Variants in RBBP4 observed in about 807,000 individuals in gnomAD.
RBBP4 encodes the protein RB binding protein 4, chromatin remodeling factor.
A neutral mutation model predicts 57.2 loss-of-function variants in RBBP4; 3 were observed. The observed-to-expected ratio is 0.05, with a 90% CI of 0.02 to 0.14. The LOEUF (loss-of-function observed/expected upper bound fraction) is 0.14. Among genes scored for constraint, RBBP4 ranks in the 10% least tolerant of loss-of-function variants. The pLI, the probability that RBBP4 is intolerant of heterozygous loss-of-function variation, is 1.00. For synonymous variants in RBBP4, 151 were observed against 171.5 expected, an observed-to-expected ratio of 0.88 and a Z score of 0.93; for missense variants, 107 against 520.6, an observed-to-expected ratio of 0.21 and a Z score of 7.73.
chr1:32,661,870 C>CTTTTTTTTTTTTTTT (rs71006354), intron 3 of RBBP4, among the ~76,000 whole-genome samples: 1 of 49,308 alleles, frequency 2.0e-5, no homozygotes, highest in Admixed American at 3.2e-4. Flanking sequence ...CCTTTGCCCA[C>CTTTTTTTTTTTTTTT]TTTTTTTTTT....
intron 3 of RBBP4, among the ~76,000 whole-genome samples, chr1:32,662,889 C>G (rs1291445189): frequency 1.3e-5 from 2 of 151,896 alleles, no homozygotes; most frequent in South Asian, 2.1e-4. Context: ...AAGGCTGATG[C>G]AGTAGAATCG....
chr1:32,651,753 C>A (rs1468554409), intron 1 of RBBP4, 161 bp from the exon 2 acceptor site: 2 of 920,550 alleles, frequency 2.2e-6, no homozygotes, highest in East Asian at 2.7e-5. Flanking sequence ...CGAGGAGTTT[C>A]GGCGCCGCGA....
At position 32,669,207 on chromosome 1, in the gene RBBP4, T is replaced by C. The variant is rs755580900; in HGVS notation, c.762-24T>C. On this transcript the variant is annotated intron_variant, in intron 6 of 11. Coordinates refer to ENST00000373493, the MANE Select transcript of RBBP4 (RefSeq NM_005610.3). This position sits in a 1 kb window ranked among gnomAD's most constrained non-coding sequence, Gnocchi z 4.9. ...TTTAGTCACCATTTCAAGGTTTTTT[T>C]CCTTTGTTTTTTTTTCACTGAAGTT... 6.2e-7 allele frequency: 1 copy of C among 1,608,358 alleles called. No homozygotes were observed. Among genetic ancestry groups the C allele is most frequent in the Non-Finnish European group, 8.5e-7 (1 of 1,178,560 alleles).
At chr1:32,657,028 C>T (rs1452739001) in intron 2 of RBBP4, among the ~76,000 whole-genome samples, 6 of 152,098 alleles carry the variant, frequency 3.9e-5, no homozygotes, top group Non-Finnish European at 8.8e-5. Flanking sequence ...GTAATCTCTG[C>T]ACGTTGGGAG....
intron 8 of RBBP4, among the ~76,000 whole-genome samples, chr1:32,670,662 T>C (rs1648835043): frequency 6.6e-6 from 1 of 152,122 alleles, no homozygotes; most frequent in South Asian, 2.1e-4. Flanking sequence ...AACCTCCACT[T>C]CCCAGGCTAA....
At chr1:32,679,349 A>T (rs541393178) in intron 11 of RBBP4, among the ~76,000 whole-genome samples, 2 of 152,358 alleles carry the variant, frequency 1.3e-5, no homozygotes, top group East Asian at 3.9e-4. Flanking sequence ...AATGTTGGCT[A>T]TCAAGACAAA....
In RBBP4 at chr1:32,680,044, G is replaced by A; in HGVS notation, c.*339G>A. ...CTCATTTAAGTAAAGGCTAGAGTGA[G>A]TAAGGAATAGAGCCAAATGAGGTAG... On this transcript the variant is annotated 3_prime_UTR_variant, in exon 12 of 12. Transcript: ENST00000373493. 1 of 1,095,296 alleles carries A rather than the reference G, an allele frequency of 9.1e-7. No homozygotes were observed. Among genetic ancestry groups the A allele is most frequent in the South Asian group, 3.2e-5 (1 of 31,366 alleles). 67.8% of individuals were successfully genotyped at this position (1,095,296 alleles called of 1,614,324 possible).
chr1:32,672,707 A>C lies in RBBP4; in HGVS notation c.1101+8A>C, dbSNP rs1050536936. ...GGGCCACCAGAGTTGTTGGTATGTTAAAAGCATTGGACAGTACTGAAATAG... is the reference window on the plus strand; with the variant it reads ...GGGCCACCAGAGTTGTTGGTATGTTCAAAGCATTGGACAGTACTGAAATAG... On this transcript the variant is annotated splice_region_variant and intron_variant, in intron 10 of 11. Transcript: ENST00000373493. 6 of 1,613,238 alleles carry C rather than the reference A, an allele frequency of 3.7e-6. No homozygotes were observed. In the African/African-American group the frequency reaches 8.0e-5, roughly 22 times the overall value.
At position 32,682,523 on chromosome 1, in the gene RBBP4, A is replaced by C. The variant is rs921189812; in HGVS notation, c.*2818A>C. Reference sequence around the variant, plus strand: ...CGCGGTGGTTCACGCCTGTAATCCCAGCACTTTGAGAGGCTGAGGCACGTG... The same window carrying C: ...CGCGGTGGTTCACGCCTGTAATCCCCGCACTTTGAGAGGCTGAGGCACGTG... On this transcript the variant is annotated 3_prime_UTR_variant, in exon 12 of 12. Transcript: ENST00000373493. 1 of 152,294 alleles carries C rather than the reference A, an allele frequency of 6.6e-6. No homozygotes were observed. Among genetic ancestry groups the C allele is most frequent in the Non-Finnish European group, 1.5e-5 (1 of 68,072 alleles). 9.4% of individuals were successfully genotyped at this position (152,294 alleles called of 1,614,324 possible). A position where few individuals can be genotyped will look rare whatever the true frequency, so the allele number is the denominator to read the frequency against.
Position 32,684,021 on chromosome 1 carries a change from GTC to G in RBBP4, c.*4319_*4320del. Reference sequence around the variant, plus strand: ...TTCACAAAGATCACCTTGAGACTGTGTCTCCATTCCACCTGCCTGAGAAGTGG... The same window carrying G: ...TTCACAAAGATCACCTTGAGACTGTGTCCATTCCACCTGCCTGAGAAGTGG... On this transcript the variant is annotated 3_prime_UTR_variant, in exon 12 of 12. Coordinates refer to ENST00000373493, the MANE Select transcript of RBBP4 (RefSeq NM_005610.3). 1 of 1,614,104 alleles carries G rather than the reference GTC, an allele frequency of 6.2e-7. No individual in the cohort carries two copies. Among genetic ancestry groups the G allele is most frequent in the Non-Finnish European group, 8.5e-7 (1 of 1,179,940 alleles).
intron 2 of RBBP4, among the ~76,000 whole-genome samples, chr1:32,653,679 A>T (rs1402738748): frequency 4.9e-5 from 4 of 82,048 alleles, no homozygotes; most frequent in East Asian, 8.9e-4. Flanking sequence ...TTTTTTTTTG[A>T]GACGGAGTCT....
intron 8 of RBBP4, among the ~76,000 whole-genome samples, chr1:32,671,933 A>T (rs1193416584): frequency 2.6e-5 from 4 of 152,108 alleles, no homozygotes. Context: ...GGAATGGAAC[A>T]AAAGCTTATA....
In RBBP4 at chr1:32,672,854, G is replaced by T. The variant is rs752897994; in HGVS notation, c.1165G>T (p.Val389Leu). Residue 389 changes from valine (V) to leucine (L), a missense_variant, in exon 11 of 12, where the codon GTG (valine) becomes TTG (leucine). By Grantham distance (32) the Val-to-Leu change is conservative. This residue lies in a region of RBBP4 where 14 missense variants were observed against 52.0 expected (regional missense o/e 0.27). Transcript: ENST00000373493. ...CTCCTGGAATCCCAATGAACCTTGG[G>T]TGATTTGTTCTGTATCAGAAGACAA... ...DFSWNPNEPW[V>L]ICSVSEDNIM... 1 of 1,613,838 alleles carries T rather than the reference G, an allele frequency of 6.2e-7. No homozygotes were observed.
At chr1:32,670,075 G>A (rs1019205039) in intron 8 of RBBP4, among the ~76,000 whole-genome samples, 4 of 151,868 alleles carry the variant, frequency 2.6e-5, no homozygotes, top group African/African-American at 9.7e-5. Flanking sequence ...AAGAAAACTA[G>A]GCCAGGTATG....
At chr1:32,671,400 T>TTG (rs1282462572) in intron 8 of RBBP4, among the ~76,000 whole-genome samples, 4 of 152,080 alleles carry the variant, frequency 2.6e-5, no homozygotes, top group Admixed American at 2.6e-4. Flanking sequence ...CTGACCAACA[T>TTG]GGTGAAACCT....
At position 32,668,646 on chromosome 1, in the gene RBBP4, G is replaced by A. The variant is rs898267337; in HGVS notation, c.485-93G>A. ...TTCCTATATCATTTATAAATGTTAA[G>A]AGCTTTAGACATCTTGACCAAAATT... On this transcript the variant is annotated intron_variant, in intron 4 of 11. Transcript: ENST00000373493. The A allele has an allele frequency of 3.0e-5, 30 of 1,010,634 alleles. No homozygotes were observed. In the African/African-American group the frequency reaches 3.9e-4, roughly 13 times the overall value. 62.6% of individuals were successfully genotyped at this position (1,010,634 alleles called of 1,614,324 possible).
At chr1:32,673,149 CTTCT>C (rs1648945320) in intron 11 of RBBP4, among the ~76,000 whole-genome samples, 1 of 152,116 alleles carries the variant, frequency 6.6e-6, no homozygotes, top group Admixed American at 6.6e-5. Context: ...CCCTCTCCTC[CTTCT>C]TTCTTTCTTT....
chr1:32,664,990 TAATG>T (rs1648582971), intron 3 of RBBP4, among the ~76,000 whole-genome samples: 1 of 152,088 alleles, frequency 6.6e-6, no homozygotes, highest in South Asian at 2.1e-4. Context: ...ATAATAATAA[TAATG>T]CAGACACAGA....
At chr1:32,668,905 T>C in intron 5 of RBBP4, 51 bp downstream of exon 5, 1 of 1,612,826 alleles carries the variant, frequency 6.2e-7, no homozygotes, top group Non-Finnish European at 8.5e-7. Context: ...ACCAGTTGGT[T>C]TCTTTTTTGG....
Sources: allele counts gnomAD v4.1 joint callset (sites outside exome capture counted in the v4.1 genomes callset), GRCh38; gene constraint gnomAD v4.1.1; regional missense constraint gnomAD v4.1.1; non-coding constraint Gnocchi (gnomAD v3.1); transcripts MANE v1.5; gene names NCBI Gene and HGNC (gene_info 2026-07-23, HGNC 2026-07-21).